Variants in TYW1B observed in about 807,000 individuals in gnomAD.
TYW1B encodes the protein tRNA-yW synthesizing protein 1 homolog B, also known as S-adenosyl-L-methionine-dependent tRNA 4-demethylwyosine synthase TYW1B.
Under a neutral mutation model 86.9 loss-of-function variants are expected in TYW1B, and 73 were observed. The ratio of observed to expected loss-of-function variants is 0.84; its 90% CI spans 0.70 to 1.02. The LOEUF (loss-of-function observed/expected upper bound fraction) is 1.02. Ranked by LOEUF, TYW1B falls within the 50% of genes least tolerant of loss-of-function variation. TYW1B has a pLI of 0.00. For synonymous variants in TYW1B, 248 were observed against 292.8 expected, an observed-to-expected ratio of 0.85 and a Z score of 1.56; for missense variants, 637 against 827.4, an observed-to-expected ratio of 0.77 and a Z score of 2.82.
intron 11 of TYW1B, among the ~76,000 whole-genome samples, chr7:72,639,790 C>T (rs1812760097): frequency 6.7e-6 from 1 of 150,324 alleles, no homozygotes; most frequent in Admixed American, 6.7e-5. Context: ...CACTTGAACT[C>T]AGGAGGCAGA....
intron 11 of TYW1B, among the ~76,000 whole-genome samples, chr7:72,683,866 G>C (rs1330360595): frequency 2.0e-5 from 3 of 152,138 alleles, no homozygotes; most frequent in African/African-American, 7.2e-5. Context: ...AGAACAGATG[G>C]ACAATGTAAA....
At chr7:72,689,023 T>C (rs1554449904) in intron 11 of TYW1B, among the ~76,000 whole-genome samples, 2 of 152,284 alleles carry the variant, frequency 1.3e-5, no homozygotes. Context: ...CCAAGCTGAA[T>C]GGAATCAGCC....
rs190934110 is a variant in TYW1B at position 72,738,891 on chromosome 7, C to T, written c.1082+5593G>A. On this transcript the variant is annotated intron_variant, in intron 8 of 13. Coordinates refer to ENST00000620995, the MANE Select transcript of TYW1B (RefSeq NM_001145440.3). ...TTCGAGACCAGCTTGAGAAACATAGCGAGACCCTGTCTCTATCAAAAAAAA... is the reference window on the plus strand; with the variant it reads ...TTCGAGACCAGCTTGAGAAACATAGTGAGACCCTGTCTCTATCAAAAAAAA... Among the ~76,000 whole-genome samples the T allele has an allele frequency of 3.4e-4, 52 of 151,786 alleles. 1 individual carries two copies. Among genetic ancestry groups the T allele is most frequent in the Admixed American group, 1.8e-3 (27 of 15,214 alleles).
chr7:72,581,995 C>T (rs1811164287), intron 13 of TYW1B, among the ~76,000 whole-genome samples: 1 of 152,068 alleles, frequency 6.6e-6, no homozygotes, highest in Non-Finnish European at 1.5e-5. Context: ...TCTTGAACTC[C>T]TGACCTCAGG....
At chr7:72,696,632 C>T (rs1554451544) in intron 10 of TYW1B, among the ~76,000 whole-genome samples, 1 of 152,052 alleles carries the variant, frequency 6.6e-6, no homozygotes, top group Admixed American at 6.6e-5. Context: ...GATATTAAAG[C>T]TACTTTTTAG....
intron 13 of TYW1B, among the ~76,000 whole-genome samples, chr7:72,589,713 C>G (rs188292083): frequency 6.6e-6 from 1 of 152,170 alleles, no homozygotes; most frequent in Non-Finnish European, 1.5e-5. Context: ...CCCATCTCTA[C>G]TAAAAATGCA....
chr7:72,668,651 A>G (rs1178189104), intron 11 of TYW1B, among the ~76,000 whole-genome samples: 3 of 152,122 alleles, frequency 2.0e-5, no homozygotes, highest in Non-Finnish European at 4.4e-5. Context: ...GCCTGCTTCC[A>G]CAAACAGGAA....
At chr7:72,821,290 G>C (rs1238100803) in intron 2 of TYW1B, among the ~76,000 whole-genome samples, 9 of 152,154 alleles carry the variant, frequency 5.9e-5, no homozygotes, top group Non-Finnish European at 1.3e-4. Flanking sequence ...TCAAATTCCT[G>C]ATAATGAGAA....
At chr7:72,674,396 C>T (rs1813686616) in intron 11 of TYW1B, among the ~76,000 whole-genome samples, 1 of 152,098 alleles carries the variant, frequency 6.6e-6, no homozygotes, top group Non-Finnish European at 1.5e-5. Context: ...TACTAAGCAC[C>T]ACAGAGATGA....
chr7:72,588,514 C>G (rs1173753358), intron 13 of TYW1B, among the ~76,000 whole-genome samples: 1 of 152,160 alleles, frequency 6.6e-6, no homozygotes, highest in Non-Finnish European at 1.5e-5. Context: ...GGTGATAGCT[C>G]TTCTTCCCCT....
At chr7:72,744,714 A>C in intron 7 of TYW1B, 113 bp from the exon 8 acceptor site, 1 of 1,221,814 alleles carries the variant, frequency 8.2e-7, no homozygotes, top group Non-Finnish European at 1.2e-6. Flanking sequence ...GAATACTCCT[A>C]CTAGTATCTG....
chr7:72,654,095 A>AG (rs1308148313), intron 11 of TYW1B, among the ~76,000 whole-genome samples: 2 of 151,698 alleles, frequency 1.3e-5, no homozygotes, highest in African/African-American at 4.8e-5. Context: ...AGAAAAAAAA[A>AG]AAAAAAAAAT....
At chr7:72,609,551 G>A (rs1250458890) in intron 13 of TYW1B, among the ~76,000 whole-genome samples, 1 of 151,212 alleles carries the variant, frequency 6.6e-6, no homozygotes, top group African/African-American at 2.4e-5. Context: ...AGAGTGAGAT[G>A]AGACCCTGTC....
chr7:72,627,307 G>T (rs1554439017), intron 12 of TYW1B, among the ~76,000 whole-genome samples: 1 of 151,948 alleles, frequency 6.6e-6, no homozygotes, highest in East Asian at 1.9e-4. Context: ...AATTAGCCAG[G>T]TGCGGTAGTG....
chr7:72,670,487 G>A (rs1554446178), intron 11 of TYW1B, among the ~76,000 whole-genome samples: 1 of 152,176 alleles, frequency 6.6e-6, no homozygotes, highest in African/African-American at 2.4e-5. Flanking sequence ...CACCACGTCT[G>A]GCCTCATGTG....
chr7:72,651,883 T>G (rs1424188345), intron 11 of TYW1B, among the ~76,000 whole-genome samples: 22 of 151,800 alleles, frequency 1.4e-4, no homozygotes, highest in African/African-American at 5.1e-4. Context: ...ATATTCAGAG[T>G]TGCAATGTTC....
chr7:72,639,484 G>A (rs1812751304), intron 11 of TYW1B, among the ~76,000 whole-genome samples: 1 of 152,000 alleles, frequency 6.6e-6, no homozygotes. Flanking sequence ...TTTTTAAAAA[G>A]TCCTTCAGCT....
intron 10 of TYW1B, among the ~76,000 whole-genome samples, chr7:72,707,492 A>C (rs1814642164): frequency 6.6e-6 from 1 of 152,268 alleles, no homozygotes; most frequent in South Asian, 2.1e-4. Context: ...AAAATATATC[A>C]GTACCTTCCT....
intron 11 of TYW1B, among the ~76,000 whole-genome samples, chr7:72,660,822 A>T (rs1813310212): frequency 6.6e-6 from 1 of 152,040 alleles, no homozygotes; most frequent in South Asian, 2.1e-4. Flanking sequence ...CCCAGGCCTT[A>T]AAAATGCACT....
Sources: gnomAD v4.1 joint callset for allele counts (sites outside exome capture counted in the v4.1 genomes callset) on GRCh38, gnomAD v4.1.1 for gene constraint, MANE v1.5 for transcripts, NCBI Gene and HGNC (gene_info 2026-07-23, HGNC 2026-07-21) for gene names.